Variants in NKAIN2 observed in about 807,000 individuals in gnomAD.
The protein encoded by NKAIN2 is sodium/potassium transporting ATPase interacting 2.
Under a neutral mutation model 32.6 loss-of-function variants are expected in NKAIN2, and 14 were observed. The observed-to-expected ratio is 0.43, with a 90% CI of 0.28 to 0.67. NKAIN2 has a LOEUF of 0.67. NKAIN2 is among the 30% of genes least tolerant of loss of function. NKAIN2 has a pLI of 0.17. For missense variants in NKAIN2, 198 were observed against 258.3 expected (o/e 0.77, Z 1.60); for synonymous variants, 80 against 87.2 (o/e 0.92, Z 0.46).
At chr6:124,344,117 G>T (rs913633933) in intron 2 of NKAIN2, among the ~76,000 whole-genome samples, 1 of 152,076 alleles carries the variant, frequency 6.6e-6, no homozygotes, top group East Asian at 1.9e-4. Context: ...GTTTTTCTCA[G>T]GTTTGTCAAA....
intron 1 of NKAIN2, among the ~76,000 whole-genome samples, chr6:123,916,990 T>C (rs1388156823): frequency 6.6e-6 from 1 of 152,176 alleles, no homozygotes; most frequent in South Asian, 2.1e-4. Flanking sequence ...TCAAAACATT[T>C]TAAATTTGTG....
At chr6:124,043,985 G>C (rs1394236940) in intron 1 of NKAIN2, among the ~76,000 whole-genome samples, 1 of 152,046 alleles carries the variant, frequency 6.6e-6, no homozygotes, top group Non-Finnish European at 1.5e-5. Context: ...TTATCATGTA[G>C]ACAAGTATTC....
At chr6:123,859,749 G>A (rs942048737) in intron 1 of NKAIN2, among the ~76,000 whole-genome samples, 2 of 152,148 alleles carry the variant, frequency 1.3e-5, no homozygotes, top group Non-Finnish European at 2.9e-5. Flanking sequence ...GTAGTGCAGT[G>A]GCACGATCTT....
intron 4 of NKAIN2, among the ~76,000 whole-genome samples, chr6:124,690,533 T>C (rs957471030): frequency 6.6e-6 from 1 of 152,162 alleles, no homozygotes; most frequent in African/African-American, 2.4e-5. Flanking sequence ...ATTTTCTAGT[T>C]TCTCACCATT....
chr6:124,413,580 C>G (rs139498690), intron 3 of NKAIN2, among the ~76,000 whole-genome samples: 54 of 152,226 alleles, frequency 3.5e-4, no homozygotes, highest in African/African-American at 1.3e-3. Context: ...GTCAGTGTCT[C>G]AAAATATCTT....
intron 2 of NKAIN2, among the ~76,000 whole-genome samples, chr6:124,322,521 T>C (rs1797240382): frequency 6.6e-6 from 1 of 152,212 alleles, no homozygotes; most frequent in Non-Finnish European, 1.5e-5. Flanking sequence ...TACCACCTTA[T>C]AGTTATACCC....
chr6:124,260,852 C>A (rs1452252199), intron 1 of NKAIN2, among the ~76,000 whole-genome samples: 3 of 152,146 alleles, frequency 2.0e-5, no homozygotes, highest in African/African-American at 7.2e-5. Flanking sequence ...ATAAATTCTC[C>A]TTTTCCTGTG....
intron 1 of NKAIN2, among the ~76,000 whole-genome samples, chr6:123,853,850 G>A (rs531144423): frequency 6.6e-6 from 1 of 150,746 alleles, no homozygotes; most frequent in Admixed American, 6.6e-5. Context: ...TCAGCTCACT[G>A]CAACCTCCAC....
intron 3 of NKAIN2, among the ~76,000 whole-genome samples, chr6:124,396,176 A>G (rs1285631760): frequency 6.6e-6 from 1 of 152,132 alleles, no homozygotes; most frequent in Non-Finnish European, 1.5e-5. Flanking sequence ...TCTACCACTC[A>G]AAATGAAACA....
chr6:124,713,939 G>A (rs1445514310), intron 4 of NKAIN2, among the ~76,000 whole-genome samples: 1 of 152,172 alleles, frequency 6.6e-6, no homozygotes, highest in Non-Finnish European at 1.5e-5. Flanking sequence ...TTATCTCCAA[G>A]AAGTTTATTT....
chr6:124,342,109 T>G (rs1434293859), intron 2 of NKAIN2, among the ~76,000 whole-genome samples: 1 of 152,062 alleles, frequency 6.6e-6, no homozygotes, highest in Non-Finnish European at 1.5e-5. Flanking sequence ...TTATATCTAT[T>G]AAAACACCTT....
chr6:124,033,788 A>G (rs1781499560), intron 1 of NKAIN2, among the ~76,000 whole-genome samples: 1 of 152,136 alleles, frequency 6.6e-6, no homozygotes, highest in African/African-American at 2.4e-5. Context: ...AAATGGGCTT[A>G]ATATTGCTAC....
At chr6:123,929,871 G>C (rs982053933) in intron 1 of NKAIN2, among the ~76,000 whole-genome samples, 1 of 152,024 alleles carries the variant, frequency 6.6e-6, no homozygotes, top group Non-Finnish European at 1.5e-5. Context: ...GTTCCAATGA[G>C]CATTTCCTTT....
chr6:124,004,855 T>C (rs928002773), intron 1 of NKAIN2, among the ~76,000 whole-genome samples: 15 of 146,752 alleles, frequency 1.0e-4, no homozygotes, highest in African/African-American at 1.0e-4. Flanking sequence ...GAACTTAAGG[T>C]GTAATTAAAA....
intron 4 of NKAIN2, among the ~76,000 whole-genome samples, chr6:124,694,724 C>A (rs9388358): frequency 6.6e-6 from 1 of 151,880 alleles, no homozygotes; most frequent in Non-Finnish European, 1.5e-5. Context: ...GTGCTAGAAA[C>A]GTGTAGCTGG....
chr6:124,537,793 T>G (rs1221350001), intron 3 of NKAIN2, among the ~76,000 whole-genome samples: 1 of 152,230 alleles, frequency 6.6e-6, no homozygotes, highest in African/African-American at 2.4e-5. Context: ...TATTTTCTTT[T>G]GTTCATATGT....
chr6:124,134,765 A>G (rs1786649959), intron 1 of NKAIN2, among the ~76,000 whole-genome samples: 1 of 152,224 alleles, frequency 6.6e-6, no homozygotes, highest in South Asian at 2.1e-4. Context: ...CTAGTGATCT[A>G]GATATCCAAA....
At chr6:124,340,452 G>A (rs1222052163) in intron 2 of NKAIN2, among the ~76,000 whole-genome samples, 1 of 152,016 alleles carries the variant, frequency 6.6e-6, no homozygotes, top group Non-Finnish European at 1.5e-5. Flanking sequence ...ATGGGGGTTT[G>A]TTGTACATAT....
At chr6:124,651,044 C>T (rs570925978) in intron 3 of NKAIN2, among the ~76,000 whole-genome samples, 11 of 152,156 alleles carry the variant, frequency 7.2e-5, no homozygotes, top group African/African-American at 1.4e-4. Flanking sequence ...TCCAAAAGGG[C>T]GAAATAGGTA....
Sources: allele counts gnomAD v4.1 joint callset (sites outside exome capture counted in the v4.1 genomes callset), GRCh38; gene constraint gnomAD v4.1.1; transcripts MANE v1.5; gene names NCBI Gene and HGNC (gene_info 2026-07-23, HGNC 2026-07-21).